FAM135B: variants seen among roughly 807,000 people sequenced by gnomAD.
The protein encoded by FAM135B is family with sequence similarity 135 member B, also known as protein FAM135B.
Under a neutral mutation model 127.7 loss-of-function variants are expected in FAM135B, and 43 were observed. The ratio of observed to expected loss-of-function variants is 0.34; its 90% confidence interval spans 0.26 to 0.43. The LOEUF (loss-of-function observed/expected upper bound fraction) is 0.43, where lower values mean the gene tolerates loss of function less well. FAM135B is among the 20% of genes least tolerant of loss of function. The pLI is 1.00. For synonymous variants in FAM135B, 670 were observed against 665.1 expected, an observed-to-expected ratio of 1.01 and a Z score of -0.11; for missense variants, 1,558 against 1,725.6, an observed-to-expected ratio of 0.90 and a Z score of 1.72.
chr8:138,401,315 T>C (rs1039938671), intron 1 of FAM135B, among the ~76,000 whole-genome samples: 2 of 152,204 alleles, frequency 1.3e-5, no homozygotes, highest in Non-Finnish European at 2.9e-5. Context: ...TGTTATACTC[T>C]TTGAGAAAAG....
intron 1 of FAM135B, among the ~76,000 whole-genome samples, chr8:138,382,566 A>G (rs577871086): frequency 6.6e-6 from 1 of 152,046 alleles, no homozygotes; most frequent in Non-Finnish European, 1.5e-5. Context: ...TTCTTTATTA[A>G]TCCCTGCTTT....
intron 1 of FAM135B, among the ~76,000 whole-genome samples, chr8:138,397,427 T>C (rs913766004): frequency 6.6e-5 from 10 of 152,206 alleles, no homozygotes; most frequent in African/African-American, 2.4e-4. Context: ...ACAGAGGTGA[T>C]GGTTATACAA....
intron 7 of FAM135B, among the ~76,000 whole-genome samples, chr8:138,209,967 C>T (rs1818013281): frequency 6.6e-6 from 1 of 151,974 alleles, no homozygotes; most frequent in Non-Finnish European, 1.5e-5. Flanking sequence ...GAGGGCAAGA[C>T]AATGAGAAAA....
chr8:138,435,907 G>A (rs1021924082), intron 1 of FAM135B, among the ~76,000 whole-genome samples: 3 of 152,062 alleles, frequency 2.0e-5, no homozygotes, highest in Non-Finnish European at 2.9e-5. Flanking sequence ...TCAAGACTGG[G>A]GATCTGGATT....
chr8:138,154,839 G>A (rs1456197904), intron 12 of FAM135B, among the ~76,000 whole-genome samples: 1 of 152,182 alleles, frequency 6.6e-6, no homozygotes, highest in Admixed American at 6.5e-5. Flanking sequence ...TGAAAGTGAC[G>A]AGGAGAATGG....
chr8:138,445,512 T>C (rs1467343267), intron 1 of FAM135B, among the ~76,000 whole-genome samples: 2 of 152,196 alleles, frequency 1.3e-5, no homozygotes, highest in Non-Finnish European at 2.9e-5. Context: ...TGCAAATCCA[T>C]AAATGTAATC....
intron 6 of FAM135B, among the ~76,000 whole-genome samples, chr8:138,247,080 T>C (rs1477956243): frequency 6.6e-6 from 1 of 152,200 alleles, no homozygotes; most frequent in Non-Finnish European, 1.5e-5. Flanking sequence ...ATCTAGGAAA[T>C]AACCAACTTG....
chr8:138,133,798 T>C (rs1170573860), intron 19 of FAM135B, among the ~76,000 whole-genome samples: 1 of 152,196 alleles, frequency 6.6e-6, no homozygotes, highest in Non-Finnish European at 1.5e-5. Flanking sequence ...GGGAGAGTAC[T>C]TAGAGGTCTG....
intron 6 of FAM135B, among the ~76,000 whole-genome samples, chr8:138,249,645 A>C (rs374985576): frequency 1.3e-5 from 2 of 152,108 alleles, no homozygotes; most frequent in South Asian, 4.2e-4. Flanking sequence ...CATGGGTCAG[A>C]TTGGGTAACT....
chr8:138,241,542 G>A lies in FAM135B; in HGVS notation c.669+1400C>T, dbSNP rs1379246194. Among the ~76,000 whole-genome samples, 1 of 152,144 alleles carries A rather than the reference G, an allele frequency of 6.6e-6. No individual in the cohort carries two copies. Among genetic ancestry groups the A allele is most frequent in the African/African-American group, 2.4e-5 (1 of 41,430 alleles). On this transcript the variant is annotated intron_variant, in intron 7 of 19. Coordinates refer to ENST00000395297, the MANE Select transcript of FAM135B (RefSeq NM_015912.4). The surrounding 1 kb of genome is among the most constrained non-coding windows in gnomAD (Gnocchi z 4.8). ...TTTTGCCACCAGACCTCCTGGCTGG[G>A]TCTCAGAGCTAGCAAAGATAACATC... is the stretch of plus-strand genomic sequence containing the variant.
At chr8:138,181,262 A>G (rs374366208) in intron 9 of FAM135B, among the ~76,000 whole-genome samples, 1 of 152,076 alleles carries the variant, frequency 6.6e-6, no homozygotes. Context: ...AAGAAAAGAA[A>G]AGTAAAAGTT....
intron 3 of FAM135B, among the ~76,000 whole-genome samples, chr8:138,297,900 C>T (rs914758316): frequency 1.3e-5 from 2 of 152,180 alleles, no homozygotes; most frequent in African/African-American, 2.4e-5. Context: ...ATCAACAGAG[C>T]GAATTCCCTC....
intron 13 of FAM135B, 35 bp downstream of exon 13, chr8:138,151,159 T>A (rs1410892833): frequency 6.9e-7 from 1 of 1,455,224 alleles, no homozygotes; most frequent in South Asian, 1.5e-5. Flanking sequence ...TCTAAAAGAC[T>A]GTTGTGGGAA....
rs368997414 is a variant in FAM135B at position 138,296,331 on chromosome 8, G to A, written c.157+14510C>T. ...CTTTAACCTCTGTGTATCTGCTGGT[G>A]ACTCCACATGAATTAACATCAGTTC... On this transcript the variant is annotated intron_variant, in intron 3 of 19. Coordinates refer to ENST00000395297, the MANE Select transcript of FAM135B (RefSeq NM_015912.4). Among the ~76,000 whole-genome samples the A allele has an allele frequency of 5.9e-5, 9 of 152,246 alleles. 1 individual carries two copies. In the East Asian group the frequency reaches 7.7e-4, roughly 13 times the overall value.
intron 1 of FAM135B, among the ~76,000 whole-genome samples, chr8:138,476,516 A>G (rs1296068775): frequency 1.3e-5 from 2 of 151,252 alleles, no homozygotes; most frequent in Non-Finnish European, 2.9e-5. Flanking sequence ...ACTGAAAACT[A>G]CTCTAAAAAA....
chr8:138,367,511 C>A (rs549302925), intron 2 of FAM135B: 1 of 451,940 alleles, frequency 2.2e-6, no homozygotes, highest in South Asian at 1.6e-5. Context: ...TGTTACAATA[C>A]GTGGTTTTGA....
chr8:138,303,853 T>A (rs1007479427), intron 3 of FAM135B, among the ~76,000 whole-genome samples: 1 of 152,120 alleles, frequency 6.6e-6, no homozygotes, highest in African/African-American at 2.4e-5. Flanking sequence ...GTCATTCCTA[T>A]CATTGCTATT....
At chr8:138,287,208 T>C (rs1038907042) in intron 3 of FAM135B, among the ~76,000 whole-genome samples, 7 of 152,078 alleles carry the variant, frequency 4.6e-5, no homozygotes, top group African/African-American at 1.7e-4. Flanking sequence ...AATTATATAA[T>C]GAAGGAGTAA....
At position 138,143,095 on chromosome 8, in the gene FAM135B, T is replaced by C; in HGVS notation, c.3555A>G (p.Ala1185=). The change falls in exon 16 of 20, where the codon GCA becomes GCG. Residue 1185 remains alanine (A), a synonymous_variant. Transcript: ENST00000395297. ...MSEKNQMDTF[A]DFDTMTDRLL... The stretch of plus-strand genomic sequence containing the variant: ...ACCGATCCGTCATAGTATCAAAATC[T>C]GCAAATGTGTCCATCTGGAAGAAGA... 1 of 1,601,268 alleles carries C rather than the reference T, an allele frequency of 6.2e-7. No individual in the cohort carries two copies. The highest frequency in any genetic ancestry group is 2.2e-5 in the East Asian group (1 of 44,810).
Sources: allele counts gnomAD v4.1 joint callset (sites outside exome capture counted in the v4.1 genomes callset), GRCh38; gene constraint gnomAD v4.1.1; non-coding constraint Gnocchi (gnomAD v3.1); transcripts MANE v1.5; gene names NCBI Gene and HGNC (gene_info 2026-07-23, HGNC 2026-07-21).